ASXL3: variants seen among roughly 807,000 people sequenced by gnomAD.
The protein encoded by ASXL3 is ASXL transcriptional regulator 3.
ASXL3 carries 34 observed loss-of-function variants against 170.6 expected under a neutral mutation model. The observed-to-expected ratio is 0.20, with a 90% CI of 0.15 to 0.27. The LOEUF is 0.27. Ranked by LOEUF, ASXL3 falls within the 10% of genes least tolerant of loss-of-function variation. The pLI is 1.00. For synonymous variants in ASXL3, 1,002 were observed against 989.1 expected (o/e 1.01, Z -0.24); for missense variants, 2,592 against 2,695.3 (o/e 0.96, Z 0.85).
intron 8 of ASXL3, among the ~76,000 whole-genome samples, chr18:33,709,098 G>A (rs999736219): frequency 6.6e-6 from 1 of 152,102 alleles, no homozygotes; most frequent in African/African-American, 2.4e-5. Context: ...GCTTGACCAG[G>A]AGGATGAAAA....
chr18:33,661,683 G>A lies in ASXL3; in HGVS notation c.423G>A (p.Val141=), dbSNP rs376062656. 25 of 1,612,830 alleles carry A rather than the reference G, an allele frequency of 1.6e-5. No individual in the cohort carries two copies. The African/African-American group carries it at 2.8e-4, about 18-fold the overall frequency. ...ATTCAAGCCTTACTAACACAGCAGT[G>A]CAAAGCAAGTTAGTGTCTTCCTTCC... is the stretch of plus-strand genomic sequence containing the variant. ...TRDSSLTNTA[V]QSKLVSSFQQ... is the part of the protein sequence containing the mutation. Residue 141 remains valine, a synonymous_variant, in exon 5 of 12, where the codon GTG becomes GTA. Coordinates refer to ENST00000269197, the MANE Select transcript of ASXL3 (RefSeq NM_030632.3).
intron 2 of ASXL3, among the ~76,000 whole-genome samples, chr18:33,633,911 T>C (rs1202135174): frequency 1.3e-5 from 2 of 151,052 alleles, no homozygotes; most frequent in African/African-American, 4.9e-5. Context: ...ATTGAAAGAA[T>C]TCTATAGAAT....
intron 2 of ASXL3, among the ~76,000 whole-genome samples, chr18:33,640,509 G>A (rs766806117): frequency 2.6e-5 from 4 of 151,784 alleles, no homozygotes; most frequent in Non-Finnish European, 4.4e-5. Context: ...GTAGAGACAC[G>A]CCCATTAAAT....
intron 4 of ASXL3, among the ~76,000 whole-genome samples, chr18:33,649,109 A>C (rs1229422249): frequency 1.3e-5 from 2 of 151,992 alleles, no homozygotes; most frequent in Admixed American, 1.3e-4. Flanking sequence ...AAGAATCAAG[A>C]GACAGTTTAA....
chr18:33,674,941 A>G (rs996942761), intron 7 of ASXL3, among the ~76,000 whole-genome samples: 3 of 152,088 alleles, frequency 2.0e-5, no homozygotes, highest in Non-Finnish European at 4.4e-5. Flanking sequence ...TTAGACAATG[A>G]TGTTTTTAAT....
At chr18:33,668,427 C>CAAAA (rs11288492) in intron 5 of ASXL3, among the ~76,000 whole-genome samples, 1 of 115,932 alleles carries the variant, frequency 8.6e-6, no homozygotes, top group African/African-American at 3.1e-5. Flanking sequence ...GACTCCATCT[C>CAAAA]AAAAAAAAAA....
rs565249511 is a variant in ASXL3, at chr18:33,726,168, C to CTAAG, written c.880-5798_880-5795dup. ...ATTAGCAGTTTTCTACGTTTCATTC[C>CTAAG]TAAGTCCAAAAATTCTTGATATCAG... On this transcript the variant is annotated intron_variant, in intron 8 of 11. Transcript: ENST00000269197. 3.3e-5 allele frequency among the ~76,000 whole-genome samples: 5 copies of CTAAG among 152,228 alleles called. No individual in the cohort carries two copies. The East Asian group carries it at 9.7e-4, about 29-fold the overall frequency.
chr18:33,671,693 C>T, intron 6 of ASXL3, 54 bp from the exon 7 acceptor site: 1 of 1,468,188 alleles, frequency 6.8e-7, no homozygotes, highest in East Asian at 2.5e-5. Flanking sequence ...TTAGATTTTT[C>T]TTTTCAAGGA....
intron 1 of ASXL3, among the ~76,000 whole-genome samples, chr18:33,593,769 G>A (rs1039444012): frequency 2.0e-5 from 3 of 152,108 alleles, no homozygotes; most frequent in Non-Finnish European, 4.4e-5. Context: ...TTTATCTGCA[G>A]GAGACATTGA....
chr18:33,732,228 C>G (rs1453018686), intron 9 of ASXL3, among the ~76,000 whole-genome samples, 164 bp downstream of exon 9: 2 of 152,148 alleles, frequency 1.3e-5, no homozygotes, highest in African/African-American at 2.4e-5. Flanking sequence ...TTTTGTTATA[C>G]TTGACATTAT....
At chr18:33,682,222 G>T (rs1313691512) in intron 7 of ASXL3, among the ~76,000 whole-genome samples, 1 of 152,156 alleles carries the variant, frequency 6.6e-6, no homozygotes, top group Non-Finnish European at 1.5e-5. Context: ...TGGACATGAT[G>T]GTGTTCTAGT....
chr18:33,724,821 C>A (rs1042656247), intron 8 of ASXL3, among the ~76,000 whole-genome samples: 1 of 152,038 alleles, frequency 6.6e-6, no homozygotes, highest in African/African-American at 2.4e-5. Flanking sequence ...TGTCTTACTG[C>A]AATTTTGGAA....
intron 8 of ASXL3, among the ~76,000 whole-genome samples, chr18:33,729,150 C>A (rs749606994): frequency 6.6e-6 from 1 of 152,146 alleles, no homozygotes; most frequent in Non-Finnish European, 1.5e-5. Context: ...TAGGACAGGT[C>A]ATTTTAAAGC....
At chr18:33,678,949 A>G (rs961102743) in intron 7 of ASXL3, among the ~76,000 whole-genome samples, 15 of 152,216 alleles carry the variant, frequency 9.9e-5, no homozygotes, top group African/African-American at 3.4e-4. Context: ...ACTTTGTCAT[A>G]AAAGACTGTG....
At chr18:33,696,662 G>A (rs970490849) in intron 8 of ASXL3, among the ~76,000 whole-genome samples, 3 of 152,080 alleles carry the variant, frequency 2.0e-5, no homozygotes, top group Non-Finnish European at 4.4e-5. Flanking sequence ...GGGTGGAGCA[G>A]TCAGGAGGAG....
intron 5 of ASXL3, among the ~76,000 whole-genome samples, chr18:33,663,458 T>G (rs1001297744): frequency 5.9e-5 from 9 of 152,196 alleles, no homozygotes; most frequent in African/African-American, 2.2e-4. Context: ...GAACATTTTT[T>G]ACGATTACTA....
chr18:33,620,636 A>G (rs527603946), intron 2 of ASXL3, among the ~76,000 whole-genome samples: 3 of 152,276 alleles, frequency 2.0e-5, no homozygotes, highest in Non-Finnish European at 4.4e-5. Context: ...AAGTCATCCA[A>G]TTATAACTTA....
chr18:33,609,611 G>A (rs1164953752), intron 2 of ASXL3, among the ~76,000 whole-genome samples: 1 of 151,930 alleles, frequency 6.6e-6, no homozygotes. Context: ...CTTCTTCAAA[G>A]AGTAATTAAA....
chr18:33,620,363 A>G (rs769452045), intron 2 of ASXL3, among the ~76,000 whole-genome samples: 8 of 152,136 alleles, frequency 5.3e-5, no homozygotes, highest in Admixed American at 1.3e-4. Context: ...TCAGTGAGGT[A>G]GTTTAAAGAA....
Sources: allele counts gnomAD v4.1 joint callset (sites outside exome capture counted in the v4.1 genomes callset), GRCh38; gene constraint gnomAD v4.1.1; transcripts MANE v1.5; gene names NCBI Gene and HGNC (gene_info 2026-07-23, HGNC 2026-07-21).